RANBP3L: variants seen among roughly 807,000 people sequenced by gnomAD.
RANBP3L encodes ran-binding protein 3-like.
In RANBP3L, 56 loss-of-function variants were observed where a neutral mutation model predicts 67.2. The observed-to-expected ratio is 0.83, with a 90% CI of 0.67 to 1.04. The LOEUF is 1.04. RANBP3L is among the 50% of genes least tolerant of loss of function. The pLI is 0.00. For missense variants in RANBP3L, 496 were observed against 535.5 expected (o/e 0.93, Z 0.73); for synonymous variants, 164 against 181.4 (o/e 0.90, Z 0.77).
At chr5:36,280,695 C>A (rs900672297) in intron 1 of RANBP3L, among the ~76,000 whole-genome samples, 1 of 152,112 alleles carries the variant, frequency 6.6e-6, no homozygotes, top group African/African-American at 2.4e-5. Flanking sequence ...TGGGGGTGAT[C>A]AGGGACTAGA....
chr5:36,256,747 A>G, intron 10 of RANBP3L, 194 bp downstream of exon 10: 1 of 553,514 alleles, frequency 1.8e-6, no homozygotes, highest in Non-Finnish European at 3.1e-6. Flanking sequence ...TTTTCCTGCC[A>G]GGTACACATA....
intron 1 of RANBP3L, among the ~76,000 whole-genome samples, chr5:36,283,169 TGCCTCA>T (rs1362471619): frequency 6.6e-6 from 1 of 152,084 alleles, no homozygotes; most frequent in Admixed American, 6.5e-5. Context: ...GTAATTCTCG[TGCCTCA>T]GCCTCCTGAG....
chr5:36,268,992 G>A (rs72744587), intron 4 of RANBP3L, among the ~76,000 whole-genome samples: 48,467 of 152,022 alleles, frequency 0.32, 9,012 homozygotes, highest in South Asian at 0.49. Context: ...TTGCAGGTAT[G>A]AGCCACCGCG....
At chr5:36,267,060 ATC>A (rs2111841083) in intron 4 of RANBP3L, among the ~76,000 whole-genome samples, 1 of 152,262 alleles carries the variant, frequency 6.6e-6, no homozygotes, top group South Asian at 2.1e-4. Flanking sequence ...CCCAGCCAGG[ATC>A]TCTGTTTCTC....
At chr5:36,290,026 A>G (rs1269407503) in intron 1 of RANBP3L, among the ~76,000 whole-genome samples, 1 of 152,140 alleles carries the variant, frequency 6.6e-6, no homozygotes, top group Non-Finnish European at 1.5e-5. Context: ...TTTCTTGTAA[A>G]TGTTTTTCAT....
chr5:36,250,358 T>C (rs1748508426), intron 13 of RANBP3L, among the ~76,000 whole-genome samples: 1 of 152,036 alleles, frequency 6.6e-6, no homozygotes, highest in Non-Finnish European at 1.5e-5. Context: ...TCTGAATCAC[T>C]GGGTCAAGCA....
intron 13 of RANBP3L, among the ~76,000 whole-genome samples, chr5:36,250,350 T>C (rs1448919871): frequency 6.6e-6 from 1 of 152,054 alleles, no homozygotes; most frequent in Non-Finnish European, 1.5e-5. Flanking sequence ...CTTAGTTTTC[T>C]GAATCACTGG....
intron 8 of RANBP3L, among the ~76,000 whole-genome samples, chr5:36,258,260 T>A (rs1749136874): frequency 6.6e-6 from 1 of 152,146 alleles, no homozygotes; most frequent in Non-Finnish European, 1.5e-5. Context: ...ATGACATTTG[T>A]GATAATGTGT....
intron 1 of RANBP3L, among the ~76,000 whole-genome samples, chr5:36,293,386 C>A (rs1197912767): frequency 7.2e-6 from 1 of 139,720 alleles, no homozygotes; most frequent in East Asian, 2.0e-4. Context: ...AATTGAATAC[C>A]CTTTATTTCC....
At position 36,255,462 on chromosome 5, in the gene RANBP3L, T is replaced by C; in HGVS notation, c.1024+8A>G. 1 of 1,605,352 alleles carries C rather than the reference T, an allele frequency of 6.2e-7. No homozygotes were observed. The highest frequency in any genetic ancestry group is 8.5e-7 in the Non-Finnish European group (1 of 1,175,760). On this transcript the variant is annotated splice_region_variant and intron_variant, in intron 11 of 13. Coordinates refer to ENST00000296604, the MANE Select transcript of RANBP3L (RefSeq NM_145000.5). ...AATTATGGCTTGCTTTACAAAAGGATTCCTTACTTAGTCTTGACTGTAATG... is the reference window on the plus strand; with the variant it reads ...AATTATGGCTTGCTTTACAAAAGGACTCCTTACTTAGTCTTGACTGTAATG...
In RANBP3L at chr5:36,247,953, A is replaced by C. The variant is rs1354377566; in HGVS notation, c.*1701T>G. Among the ~76,000 whole-genome samples the C allele has an allele frequency of 3.9e-5, 6 of 152,336 alleles. No individual in the cohort carries two copies. The South Asian group carries it at 1.2e-3, about 32-fold the overall frequency. ...TCTTCACTTTAGCAATTTATAGTGC[A>C]ATCACAATGTTCCCACATCAGCTGA... On this transcript the variant is annotated 3_prime_UTR_variant, in exon 14 of 14. Transcript: ENST00000296604.
intron 1 of RANBP3L, among the ~76,000 whole-genome samples, chr5:36,297,445 A>ACG (rs1353851046): frequency 1.3e-5 from 2 of 149,274 alleles, no homozygotes; most frequent in East Asian, 1.9e-4. Context: ...ACACACACAC[A>ACG]CGCACACACA....
chr5:36,255,488 T>A lies in RANBP3L; in HGVS notation c.1006A>T (p.Thr336Ser). 1 of 1,611,076 alleles carries A rather than the reference T, an allele frequency of 6.2e-7. No homozygotes were observed. The highest frequency in any genetic ancestry group is 8.5e-7 in the Non-Finnish European group (1 of 1,177,882). The change falls in exon 11 of 14, where the codon ACA (threonine) becomes TCA (serine). Residue 336 changes from threonine (T) to serine (S), a missense_variant. Thr to Ser is a moderately conservative substitution (Grantham distance 58). Transcript: ENST00000296604. ...TCCTTACTTAGTCTTGACTGTAATGTTCCACAGTCAGTGCTTGCTGTGTCA... is the reference window on the plus strand; with the variant it reads ...TCCTTACTTAGTCTTGACTGTAATGATCCACAGTCAGTGCTTGCTGTGTCA... ...LNDTASTDCG[T>S]LQSRLIMRNQ... is the part of the protein sequence containing the mutation.
intron 1 of RANBP3L, among the ~76,000 whole-genome samples, chr5:36,280,501 G>A (rs1344719705): frequency 6.6e-6 from 1 of 152,146 alleles, no homozygotes; most frequent in Non-Finnish European, 1.5e-5. Context: ...ACATCTTTAT[G>A]GAGTTCACAG....
intron 1 of RANBP3L, among the ~76,000 whole-genome samples, chr5:36,281,634 T>C (rs1004550661): frequency 5.9e-5 from 9 of 152,272 alleles, no homozygotes; most frequent in Non-Finnish European, 1.0e-4. Flanking sequence ...CTATATTGTG[T>C]GAGTCTTCCT....
At chr5:36,257,578 T>G in intron 8 of RANBP3L, 22 bp from the exon 9 acceptor site, 2 of 1,055,388 alleles carry the variant, frequency 1.9e-6, no homozygotes, top group South Asian at 3.1e-5. Flanking sequence ...AAAAGATGCA[T>G]TATTTTATTT....
chr5:36,254,585 G>T (rs1354618220), intron 11 of RANBP3L, among the ~76,000 whole-genome samples: 1 of 151,982 alleles, frequency 6.6e-6, no homozygotes, highest in African/African-American at 2.4e-5. Flanking sequence ...CTATTACTTG[G>T]TTGGGTGATT....
rs1749656692 is a variant in RANBP3L, at chr5:36,265,005, T to C, written c.434A>G (p.His145Arg). The change falls in exon 6 of 14, where the codon CAC becomes CGC. Residue 145 changes from histidine (H) to arginine (R), a missense_variant. By Grantham distance (29) the His-to-Arg change is conservative (BLOSUM62 0). Transcript: ENST00000296604. The stretch of plus-strand genomic sequence containing the variant: ...AGTCTTGCAAGATTCCAGTGCCTTG[T>C]GTCCAAATGTTTTTCTTACTTTTGC... Reference protein sequence around the residue: ...SCAKVRKTFGHKALESCKTKE... With the variant: ...SCAKVRKTFGRKALESCKTKE... 6.2e-7 allele frequency: 1 copy of C among 1,613,876 alleles called. No individual in the cohort carries two copies. The highest frequency in any genetic ancestry group is 8.5e-7 in the Non-Finnish European group (1 of 1,179,918).
At chr5:36,249,774 C>T in intron 13 of RANBP3L, 77 bp from the exon 14 acceptor site, 2 of 668,576 alleles carry the variant, frequency 3.0e-6, no homozygotes, top group East Asian at 6.3e-5. Flanking sequence ...TGCAACTAAA[C>T]ATGAATATTA....
Sources: gnomAD v4.1 joint callset for allele counts (sites outside exome capture counted in the v4.1 genomes callset) on GRCh38, gnomAD v4.1.1 for gene constraint, MANE v1.5 for transcripts, NCBI Gene and HGNC (gene_info 2026-07-23, HGNC 2026-07-21) for gene names.